The following GLIS1 variants were observed in gnomAD, a reference collection of about 807,000 sequenced individuals.
GLIS1 encodes the protein GLIS family zinc finger 1, also known as zinc finger protein GLIS1.
Under a neutral mutation model 63.8 loss-of-function variants are expected in GLIS1, and 24 were observed. The observed-to-expected ratio is 0.38, with a 90% CI of 0.27 to 0.53. The LOEUF (loss-of-function observed/expected upper bound fraction) is 0.53. Among genes scored for constraint, GLIS1 ranks in the 20% least tolerant of loss-of-function variants. The probability of loss-of-function intolerance (pLI) is 0.85; values close to 1 mark genes in which losing one functional copy is unlikely to be tolerated. For missense variants in GLIS1, 1,036 were observed against 1,074.1 expected, an observed-to-expected ratio of 0.96 and a Z score of 0.50; for synonymous variants, 450 against 482.5, an observed-to-expected ratio of 0.93 and a Z score of 0.88.
At chr1:53,720,693 C>T (rs892701619) in intron 2 of GLIS1, among the ~76,000 whole-genome samples, 17 of 152,146 alleles carry the variant, frequency 1.1e-4, no homozygotes, top group South Asian at 6.2e-4. Flanking sequence ...TCCCAATTGC[C>T]CCAATTCAAT....
chr1:53,506,398 C>A lies in GLIS1; in HGVS notation c.*221G>T. The A allele has an allele frequency of 1.8e-6, 1 of 553,772 alleles. No homozygotes were observed. Among genetic ancestry groups the A allele is most frequent in the Non-Finnish European group, 3.2e-6 (1 of 311,300 alleles). The allele number at this position is 553,772 out of a possible 1,614,324, so 34.3% of individuals were successfully genotyped here. ...ACAAGATCGAGGGAATGTTACAGGG[C>A]CACAGATCCTGGCGGGCACCTCTGT... On this transcript the variant is annotated 3_prime_UTR_variant, in exon 11 of 11. Transcript: ENST00000628545.
chr1:53,652,621 G>A (rs1645921370), intron 2 of GLIS1, among the ~76,000 whole-genome samples: 1 of 152,170 alleles, frequency 6.6e-6, no homozygotes, highest in Non-Finnish European at 1.5e-5. Flanking sequence ...GCCAGGCTGG[G>A]AGCAGACCAC....
At chr1:53,668,621 A>C (rs1052290704) in intron 2 of GLIS1, among the ~76,000 whole-genome samples, 1 of 152,194 alleles carries the variant, frequency 6.6e-6, no homozygotes, top group Admixed American at 6.5e-5. Context: ...TCAGCCTCCC[A>C]AAGTGCTGGG....
At chr1:53,514,418 TACG>T (rs777248962) in intron 8 of GLIS1, among the ~76,000 whole-genome samples, 1 of 152,226 alleles carries the variant, frequency 6.6e-6, no homozygotes, top group Non-Finnish European at 1.5e-5. Flanking sequence ...CAGAAGCCAG[TACG>T]GTCTACTCAG....
intron 2 of GLIS1, among the ~76,000 whole-genome samples, chr1:53,645,203 A>G (rs1440249697): frequency 6.6e-6 from 1 of 152,058 alleles, no homozygotes; most frequent in Non-Finnish European, 1.5e-5. Flanking sequence ...GGGTCCTTCC[A>G]TATTTCGGAT....
intron 2 of GLIS1, among the ~76,000 whole-genome samples, chr1:53,623,777 A>AT (rs1645568849): frequency 6.6e-6 from 1 of 152,222 alleles, no homozygotes; most frequent in Non-Finnish European, 1.5e-5. Context: ...TTTGAAAGCA[A>AT]TACCACATAT....
chr1:53,556,408 G>T (rs1234859835), intron 4 of GLIS1, among the ~76,000 whole-genome samples: 4 of 144,660 alleles, frequency 2.8e-5, no homozygotes, highest in East Asian at 2.2e-4. Context: ...GTGTGTGCAG[G>T]TGTACTGTAG....
At chr1:53,540,796 T>C (rs1404066155) in intron 4 of GLIS1, among the ~76,000 whole-genome samples, 2 of 152,210 alleles carry the variant, frequency 1.3e-5, no homozygotes, top group African/African-American at 2.4e-5. Flanking sequence ...TGCCCAGCAC[T>C]GTACAACATA....
chr1:53,722,643 C>A (rs1213906998), intron 2 of GLIS1, among the ~76,000 whole-genome samples: 1 of 152,084 alleles, frequency 6.6e-6, no homozygotes, highest in Non-Finnish European at 1.5e-5. Context: ...GAATTCAAGA[C>A]CAGCCTGGCC....
At chr1:53,583,359 T>C (rs945790851) in intron 4 of GLIS1, among the ~76,000 whole-genome samples, 4 of 152,200 alleles carry the variant, frequency 2.6e-5, no homozygotes, top group African/African-American at 7.2e-5. Context: ...GAAAACACTA[T>C]GGCTTGGGGA....
At chr1:53,618,522 T>C (rs535952822) in intron 2 of GLIS1, among the ~76,000 whole-genome samples, 9 of 152,330 alleles carry the variant, frequency 5.9e-5, no homozygotes, top group Admixed American at 3.3e-4. Flanking sequence ...AGCAGTGTTT[T>C]CATCCAATTA....
intron 2 of GLIS1, among the ~76,000 whole-genome samples, chr1:53,729,576 C>G (rs760632938): frequency 3.3e-4 from 49 of 148,308 alleles, no homozygotes; most frequent in Non-Finnish European, 4.9e-4. Context: ...CTTAATCCAT[C>G]AGCACATAAA....
intron 2 of GLIS1, among the ~76,000 whole-genome samples, chr1:53,637,520 C>A (rs1485047886): frequency 6.6e-6 from 1 of 152,184 alleles, no homozygotes; most frequent in Non-Finnish European, 1.5e-5. Flanking sequence ...CCCATTCCCA[C>A]ACCCGAGGTT....
At chr1:53,714,576 T>A (rs1199563109) in intron 2 of GLIS1, among the ~76,000 whole-genome samples, 1 of 152,174 alleles carries the variant, frequency 6.6e-6, no homozygotes, top group Non-Finnish European at 1.5e-5. Flanking sequence ...ATGGTCCCCA[T>A]CTTTTCCACT....
At chr1:53,712,719 C>T (rs530411924) in intron 2 of GLIS1, among the ~76,000 whole-genome samples, 4 of 152,152 alleles carry the variant, frequency 2.6e-5, no homozygotes, top group African/African-American at 4.8e-5. Context: ...GCTTGCAGAG[C>T]CTGCCCTCCT....
At chr1:53,559,870 A>T (rs1422017269) in intron 4 of GLIS1, among the ~76,000 whole-genome samples, 1 of 152,078 alleles carries the variant, frequency 6.6e-6, no homozygotes, top group Non-Finnish European at 1.5e-5. Context: ...ATATACACAC[A>T]CACACAGTCA....
At chr1:53,666,001 T>C (rs1646087401) in intron 2 of GLIS1, among the ~76,000 whole-genome samples, 1 of 152,130 alleles carries the variant, frequency 6.6e-6, no homozygotes, top group African/African-American at 2.4e-5. Flanking sequence ...GACAATCCTA[T>C]GAGGTCAGTA....
chr1:53,733,946 A>G (rs527843511), intron 2 of GLIS1: 10 of 985,444 alleles, frequency 1.0e-5, no homozygotes, highest in Non-Finnish European at 1.1e-5. Context: ...CCTCCCCAGA[A>G]CATCACAGGA....
In GLIS1 at chr1:53,671,016, G is replaced by A. The variant is rs546805653; in HGVS notation, c.259+66790C>T. 8.5e-5 allele frequency among the ~76,000 whole-genome samples: 13 copies of A among 152,332 alleles called. 1 individual carries two copies. In the South Asian group the frequency reaches 1.4e-3, roughly 17 times the overall value. ...GTGGCACACGAAGAAAAATTTTAAA[G>A]TAGAGTATGAAAGTATCATCCATGC... On this transcript the variant is annotated intron_variant, in intron 2 of 10. Coordinates refer to ENST00000628545, the MANE Select transcript of GLIS1 (RefSeq NM_001367484.1).
Sources: gnomAD v4.1 joint callset for allele counts (sites outside exome capture counted in the v4.1 genomes callset) on GRCh38, gnomAD v4.1.1 for gene constraint, MANE v1.5 for transcripts, NCBI Gene and HGNC (gene_info 2026-07-23, HGNC 2026-07-21) for gene names.